Variants in PTPRM observed in about 807,000 individuals in gnomAD.
PTPRM encodes receptor-type tyrosine-protein phosphatase mu.
In PTPRM, 47 loss-of-function variants were observed where a neutral mutation model predicts 186.7. That is an observed-to-expected ratio of 0.25 (90% CI 0.20 to 0.32). The LOEUF is 0.32. Ranked by LOEUF, PTPRM falls within the 10% of genes least tolerant of loss-of-function variation. PTPRM has a pLI of 1.00. For synonymous variants in PTPRM, 668 were observed against 674.9 expected (o/e 0.99, Z 0.16); for missense variants, 1,494 against 1,865.0 (o/e 0.80, Z 3.66).
At chr18:7,802,231 C>T (rs1314784033) in intron 2 of PTPRM, among the ~76,000 whole-genome samples, 1 of 152,168 alleles carries the variant, frequency 6.6e-6, no homozygotes, top group Admixed American at 6.5e-5. Flanking sequence ...ACTCTGTTTG[C>T]TCAGGGTCCC....
intron 10 of PTPRM, among the ~76,000 whole-genome samples, chr18:8,087,332 T>C (rs2090484852): frequency 6.6e-6 from 1 of 152,096 alleles, no homozygotes; most frequent in Non-Finnish European, 1.5e-5. Context: ...CTGATCAACA[T>C]GGCCGTATTA....
chr18:7,574,900 T>C (rs544586506), intron 1 of PTPRM, among the ~76,000 whole-genome samples: 32 of 152,146 alleles, frequency 2.1e-4, no homozygotes, highest in African/African-American at 4.3e-4. Context: ...GGCGTGTTGG[T>C]GGGCGCCTGT....
chr18:8,398,146 A>T (rs1421941410), intron 32 of PTPRM, among the ~76,000 whole-genome samples: 7 of 151,810 alleles, frequency 4.6e-5, no homozygotes, highest in Admixed American at 3.3e-4. Flanking sequence ...CTGGTTTTTT[A>T]TTTTTATTTT....
At chr18:8,226,675 C>T (rs965733214) in intron 14 of PTPRM, among the ~76,000 whole-genome samples, 2 of 152,104 alleles carry the variant, frequency 1.3e-5, no homozygotes, top group Non-Finnish European at 2.9e-5. Flanking sequence ...GATTATATGC[C>T]TTGTATTAGT....
At chr18:8,125,372 T>A (rs1166905420) in intron 13 of PTPRM, among the ~76,000 whole-genome samples, 1 of 152,026 alleles carries the variant, frequency 6.6e-6, no homozygotes, top group African/African-American at 2.4e-5. Flanking sequence ...TTGACCCCAA[T>A]CAATGATAAG....
At chr18:8,072,842 A>G (rs2089570453) in intron 8 of PTPRM, among the ~76,000 whole-genome samples, 1 of 151,906 alleles carries the variant, frequency 6.6e-6, no homozygotes, top group Non-Finnish European at 1.5e-5. Flanking sequence ...AAAAATAGGT[A>G]CTAGACCTAA....
intron 11 of PTPRM, among the ~76,000 whole-genome samples, chr18:8,093,698 T>G (rs2090873853): frequency 6.6e-6 from 1 of 152,164 alleles, no homozygotes; most frequent in Admixed American, 6.5e-5. Context: ...GTTTCCCTAT[T>G]GATCCCTGAA....
chr18:7,797,396 C>G (rs552699175), intron 2 of PTPRM, among the ~76,000 whole-genome samples: 2 of 152,296 alleles, frequency 1.3e-5, no homozygotes, highest in African/African-American at 4.8e-5. Flanking sequence ...ATTTGATGTG[C>G]CCATATCCAA....
intron 3 of PTPRM, among the ~76,000 whole-genome samples, chr18:7,889,763 G>A (rs1041815130): frequency 6.6e-6 from 1 of 150,634 alleles, no homozygotes; most frequent in Non-Finnish European, 1.5e-5. Context: ...CTGTGGAGAC[G>A]AGCCAGTGAG....
At chr18:7,665,350 T>C (rs1354273764) in intron 1 of PTPRM, among the ~76,000 whole-genome samples, 1 of 152,184 alleles carries the variant, frequency 6.6e-6, no homozygotes, top group Non-Finnish European at 1.5e-5. Context: ...TTCCTTATGA[T>C]GTTGTACAGT....
At chr18:8,214,191 T>C (rs981386746) in intron 14 of PTPRM, among the ~76,000 whole-genome samples, 2 of 152,152 alleles carry the variant, frequency 1.3e-5, no homozygotes, top group South Asian at 2.1e-4. Flanking sequence ...TGCACTAATA[T>C]CCCAGACTTC....
chr18:7,946,778 A>G (rs1268169097), intron 5 of PTPRM: 1 of 366,098 alleles, frequency 2.7e-6, no homozygotes, highest in African/African-American at 2.1e-5. Flanking sequence ...TACAGATAAT[A>G]CTAAAGATAA....
Position 8,360,930 on chromosome 18 carries a change from A to C in PTPRM, c.3055-9960A>C, listed in dbSNP as rs897277149. 8 of 152,224 alleles carry C rather than the reference A, an allele frequency of 5.3e-5. No individual in the cohort carries two copies. The East Asian group carries it at 1.3e-3, about 26-fold the overall frequency. The allele number at this position is 152,224 out of a possible 1,614,324, so 9.4% of individuals were successfully genotyped here. ...GTAGAGTAGAGAATCTGAAACCAACAGTGTACGTGTAGGAGCTTCAATCCA... is the reference window on the plus strand; with the variant it reads ...GTAGAGTAGAGAATCTGAAACCAACCGTGTACGTGTAGGAGCTTCAATCCA... On this transcript the variant is annotated intron_variant, in intron 23 of 32. Coordinates refer to ENST00000580170, the MANE Select transcript of PTPRM (RefSeq NM_001105244.2).
intron 14 of PTPRM, chr18:8,154,712 T>A (rs1485008294): frequency 1.3e-5 from 2 of 152,254 alleles, no homozygotes; most frequent in Non-Finnish European, 2.9e-5. Flanking sequence ...CAGTTCATAC[T>A]AATTAGTACA....
At chr18:8,372,090 A>G (rs1243455281) in intron 24 of PTPRM, among the ~76,000 whole-genome samples, 1 of 41,980 alleles carries the variant, frequency 2.4e-5, no homozygotes, top group Non-Finnish European at 6.9e-5. Flanking sequence ...TTTAAGACGG[A>G]GTCTCGCTCT....
At chr18:8,037,034 A>G (rs1302945700) in intron 7 of PTPRM, among the ~76,000 whole-genome samples, 1 of 152,170 alleles carries the variant, frequency 6.6e-6, no homozygotes, top group Non-Finnish European at 1.5e-5. Flanking sequence ...ATCATTCCCT[A>G]AGCAAATGAG....
Position 7,733,818 on chromosome 18 carries a change from A to T in PTPRM, c.74-40331A>T, listed in dbSNP as rs562731127. 1.2e-4 allele frequency among the ~76,000 whole-genome samples: 19 copies of T among 152,198 alleles called. No homozygotes were observed. In the South Asian group the frequency reaches 3.1e-3, roughly 25 times the overall value. Reference sequence around the variant, plus strand: ...CACAAATTCCTGGTGGCTCCACCCCATTCCCCCAGTGCATGTGGGCCTCCA... The same window carrying T: ...CACAAATTCCTGGTGGCTCCACCCCTTTCCCCCAGTGCATGTGGGCCTCCA... On this transcript the variant is annotated intron_variant, in intron 1 of 32. Coordinates refer to ENST00000580170, the MANE Select transcript of PTPRM (RefSeq NM_001105244.2).
At position 8,384,412 on chromosome 18, in the gene PTPRM, C is replaced by T. The variant is rs544845622; in HGVS notation, c.3919-149C>T. ...GCTCAAGGCTGCAGTGAGCCATGAT[C>T]GCACCACTGCACTCTAGCTGGGGAG... On this transcript the variant is annotated intron_variant, in intron 29 of 32. Coordinates refer to ENST00000580170, the MANE Select transcript of PTPRM (RefSeq NM_001105244.2). The T allele has an allele frequency of 3.5e-5, 30 of 850,332 alleles. 1 individual carries two copies. Among genetic ancestry groups the T allele is most frequent in the African/African-American group, 2.4e-4 (14 of 58,688 alleles). The allele number at this position is 850,332 out of a possible 1,614,324, so 52.7% of individuals were successfully genotyped here.
intron 7 of PTPRM, among the ~76,000 whole-genome samples, chr18:8,001,190 G>A (rs2083851830): frequency 1.3e-5 from 2 of 152,148 alleles, no homozygotes; most frequent in Admixed American, 6.5e-5. Context: ...GCATTGGCGA[G>A]GGGTCTGAAT....
Sources: gnomAD v4.1 joint callset for allele counts (sites outside exome capture counted in the v4.1 genomes callset) on GRCh38, gnomAD v4.1.1 for gene constraint, MANE v1.5 for transcripts, NCBI Gene and HGNC (gene_info 2026-07-23, HGNC 2026-07-21) for gene names.